Variants in PHIP observed in about 807,000 individuals in gnomAD.
PHIP encodes PHIP subunit of CUL4-Ring ligase complex, also known as PH-interacting protein.
A neutral mutation model predicts 236.8 loss-of-function variants in PHIP; 54 were observed. The ratio of observed to expected loss-of-function variants is 0.23; its 90% CI spans 0.18 to 0.29. The LOEUF is 0.29. Ranked by LOEUF, PHIP falls within the 10% of genes least tolerant of loss-of-function variation. PHIP has a pLI of 1.00. For missense variants in PHIP, 1,370 were observed against 2,190.8 expected, an observed-to-expected ratio of 0.63 and a Z score of 7.48; for synonymous variants, 756 against 718.9, an observed-to-expected ratio of 1.05 and a Z score of -0.83.
chr6:79,014,665 T>C (rs1374081029), intron 15 of PHIP, among the ~76,000 whole-genome samples: 1 of 151,860 alleles, frequency 6.6e-6, no homozygotes, highest in Non-Finnish European at 1.5e-5. Context: ...AATGCTTGAT[T>C]CTTTGGCCTT....
chr6:79,013,909 A>C (rs1249915348), intron 15 of PHIP, among the ~76,000 whole-genome samples: 1 of 151,614 alleles, frequency 6.6e-6, no homozygotes, highest in Non-Finnish European at 1.5e-5. Flanking sequence ...AAAAGGAGCA[A>C]ATCAGAAACA....
Position 78,953,774 on chromosome 6 carries a change from C to T in PHIP, c.4053+1040G>A, listed in dbSNP as rs570453342. On this transcript the variant is annotated intron_variant, in intron 35 of 39. Coordinates refer to ENST00000275034, the MANE Select transcript of PHIP (RefSeq NM_017934.7). ...CTAATTTTTGTACTTTTAGTAGAGA[C>T]GGGATTTTACCATGTTGGTCAGGCT... Among the ~76,000 whole-genome samples, 56 of 152,164 alleles carry T rather than the reference C, an allele frequency of 3.7e-4. No individual in the cohort carries two copies. In the South Asian group the frequency reaches 6.5e-3, roughly 18 times the overall value.
At chr6:79,003,625 A>G (rs1364666835) in intron 16 of PHIP, 105 bp downstream of exon 16, 1 of 745,468 alleles carries the variant, frequency 1.3e-6, no homozygotes, top group Non-Finnish European at 2.0e-6. Flanking sequence ...TTCGAATTTT[A>G]TCCTGAATGT....
intron 7 of PHIP, among the ~76,000 whole-genome samples, chr6:79,040,177 G>A (rs1026437713): frequency 1.3e-5 from 2 of 152,022 alleles, no homozygotes; most frequent in Non-Finnish European, 1.5e-5. Context: ...ATCCTATGTG[G>A]TTGGTACTAT....
chr6:78,973,149 G>A (rs1358507933), intron 24 of PHIP, among the ~76,000 whole-genome samples: 1 of 152,150 alleles, frequency 6.6e-6, no homozygotes, highest in African/African-American at 2.4e-5. Context: ...TACGCTCAAA[G>A]GGAAGCCCAT....
At chr6:78,997,328 G>T in intron 19 of PHIP, 86 bp downstream of exon 19, 1 of 1,156,402 alleles carries the variant, frequency 8.6e-7, no homozygotes, top group Non-Finnish European at 1.3e-6. Context: ...AGGAATTACA[G>T]AGCTGAAAAT....
intron 4 of PHIP, among the ~76,000 whole-genome samples, chr6:79,063,927 A>T (rs2127774706): frequency 6.6e-6 from 1 of 152,220 alleles, no homozygotes; most frequent in South Asian, 2.1e-4. Flanking sequence ...AGAACAGTGG[A>T]AACAGACTAA....
chr6:78,945,723 C>T, intron 38 of PHIP: 1 of 599,372 alleles, frequency 1.7e-6, no homozygotes, highest in Non-Finnish European at 2.9e-6. Context: ...ATTTCGAAGG[C>T]AAGTCTTGGC....
chr6:79,015,506 C>G (rs1405123069), intron 14 of PHIP, 124 bp downstream of exon 14: 3 of 732,352 alleles, frequency 4.1e-6, no homozygotes, highest in Non-Finnish European at 6.7e-6. Flanking sequence ...CAATCACTCA[C>G]AAAGCCGTTA....
chr6:78,992,256 C>A (rs1305605951), intron 19 of PHIP, among the ~76,000 whole-genome samples: 1 of 152,072 alleles, frequency 6.6e-6, no homozygotes, highest in Non-Finnish European at 1.5e-5. Context: ...AGCCACCGCG[C>A]CGGCCCAAAA....
chr6:78,961,366 C>G (rs545714632), intron 31 of PHIP, among the ~76,000 whole-genome samples: 15 of 151,786 alleles, frequency 9.9e-5, no homozygotes, highest in Admixed American at 3.3e-4. Context: ...AATGAAATAC[C>G]TTGCCTTGCT....
intron 6 of PHIP, 67 bp from the exon 7 acceptor site, chr6:79,043,070 A>G (rs937003399): frequency 2.3e-6 from 3 of 1,291,974 alleles, no homozygotes; most frequent in South Asian, 2.5e-5. Flanking sequence ...TCACCTTTTA[A>G]GAATTCACAT....
At chr6:78,956,855 A>C (rs1056165532) in intron 32 of PHIP, 2 of 152,056 alleles carry the variant, frequency 1.3e-5, no homozygotes, top group African/African-American at 4.8e-5. Flanking sequence ...TACTTGTCAC[A>C]GTTTTCCTTA....
chr6:79,053,251 T>C (rs546895797), intron 6 of PHIP, among the ~76,000 whole-genome samples: 14 of 152,202 alleles, frequency 9.2e-5, no homozygotes, highest in Admixed American at 8.5e-4. Context: ...GAGGAGCAAG[T>C]TGGAGTGAGC....
chr6:79,037,874 A>G (rs752807407), intron 7 of PHIP, among the ~76,000 whole-genome samples: 2 of 152,208 alleles, frequency 1.3e-5, no homozygotes, highest in East Asian at 1.9e-4. Flanking sequence ...CTACAGATCT[A>G]AAAAATAACA....
rs140757402 is a variant in PHIP, at chr6:78,970,853, G to A, written c.2925C>T (p.Val975=). The part of the protein sequence containing the change: ...YYFRQGHEAY[V]EMARKNKIYS... Reference sequence around the variant, plus strand: ...ATATTTTATTTTTCCGGGCCATTTCGACATAGGCTTCATGTCCTTGTCGGA... The same window carrying A: ...ATATTTTATTTTTCCGGGCCATTTCAACATAGGCTTCATGTCCTTGTCGGA... Residue 975 remains valine (V), a synonymous_variant, in exon 25 of 40, where the codon GTC becomes GTT. Coordinates refer to ENST00000275034, the MANE Select transcript of PHIP (RefSeq NM_017934.7). 1.9e-5 allele frequency: 30 copies of A among 1,610,252 alleles called. No homozygotes were observed. The highest frequency in any genetic ancestry group is 1.7e-4 in the Middle Eastern group (1 of 6,008).
rs181751703 is a variant in PHIP, at chr6:78,934,859, C to T, written c.*5834G>A. On this transcript the variant is annotated 3_prime_UTR_variant, in exon 40 of 40. Coordinates refer to ENST00000275034, the MANE Select transcript of PHIP (RefSeq NM_017934.7). ...CCCAACTCCAGGCCAGTTCATTACA[C>T]TGTGCTGCCAGTATGTCTAACCAAT... Among the ~76,000 whole-genome samples the T allele has an allele frequency of 6.6e-6, 1 of 152,328 alleles. No homozygotes were observed. The highest frequency in any genetic ancestry group is 1.9e-4 in the East Asian group (1 of 5,188).
chr6:78,998,245 C>A lies in PHIP; in HGVS notation c.2017+9G>T. On this transcript the variant is annotated intron_variant, in intron 18 of 39. Coordinates refer to ENST00000275034, the MANE Select transcript of PHIP (RefSeq NM_017934.7). ...TAAATATTTCACTTAAAATAGAATACCTGCTTACCTCTACTTAAACGGCTG... is the reference window on the plus strand; with the variant it reads ...TAAATATTTCACTTAAAATAGAATAACTGCTTACCTCTACTTAAACGGCTG... 2 of 1,602,440 alleles carry A rather than the reference C, an allele frequency of 1.2e-6. No individual in the cohort carries two copies. The highest frequency in any genetic ancestry group is 2.2e-5 in the East Asian group (1 of 44,722).
At chr6:79,003,610 G>T in intron 16 of PHIP, 120 bp downstream of exon 16, 1 of 654,956 alleles carries the variant, frequency 1.5e-6, no homozygotes, top group Non-Finnish European at 2.4e-6. Flanking sequence ...CTTAACACAA[G>T]ATTCTTCGAA....
Sources: allele counts gnomAD v4.1 joint callset (sites outside exome capture counted in the v4.1 genomes callset), GRCh38; gene constraint gnomAD v4.1.1; transcripts MANE v1.5; gene names NCBI Gene and HGNC (gene_info 2026-07-23, HGNC 2026-07-21).